SMC2: variants seen among roughly 807,000 people sequenced by gnomAD.
SMC2 encodes the protein structural maintenance of chromosomes 2.
A neutral mutation model predicts 142.6 loss-of-function variants in SMC2; 41 were observed. The ratio of observed to expected loss-of-function variants is 0.29; its 90% CI spans 0.22 to 0.37. The LOEUF (loss-of-function observed/expected upper bound fraction) is 0.37. Ranked by LOEUF, SMC2 falls within the 10% of genes least tolerant of loss-of-function variation. The pLI is 1.00. For synonymous variants in SMC2, 463 were observed against 457.5 expected (o/e 1.01, Z -0.15); for missense variants, 1,265 against 1,373.7 (o/e 0.92, Z 1.25).
chr9:104,132,844 T>G (rs1422109665), intron 22 of SMC2, among the ~76,000 whole-genome samples: 1 of 151,958 alleles, frequency 6.6e-6, no homozygotes, highest in East Asian at 1.9e-4. Flanking sequence ...TGAGAGGTTT[T>G]TTTTTTTTTC....
Position 104,129,752 on chromosome 9 carries a change from T to C in SMC2, c.2898T>C (p.Gly966=), listed in dbSNP as rs201300008. 3.7e-6 allele frequency: 6 copies of C among 1,613,946 alleles called. No homozygotes were observed. The highest frequency in any genetic ancestry group is 8.5e-7 in the Non-Finnish European group (1 of 1,179,912). The stretch of plus-strand genomic sequence containing the variant: ...AAACTAACAACCCTAAAGAAGCTGG[T>C]CAGAGACTTCAGAAGTTGCAAGAAA... The part of the protein sequence containing the change: ...DFKTNNPKEA[G]QRLQKLQEMK... The change falls in exon 21 of 25, where the codon GGT becomes GGC. Residue 966 remains glycine, a synonymous_variant. Transcript: ENST00000374793.
At chr9:104,111,858 G>T (rs965167879) in intron 10 of SMC2, 44 bp downstream of exon 10, 1 of 1,374,720 alleles carries the variant, frequency 7.3e-7, no homozygotes, top group South Asian at 1.3e-5. Context: ...TTTTTTCCAA[G>T]AAGTTTCTTT....
chr9:104,100,844 G>T (rs902068560), intron 7 of SMC2, among the ~76,000 whole-genome samples: 2 of 152,156 alleles, frequency 1.3e-5, no homozygotes, highest in African/African-American at 4.8e-5. Context: ...TAAGCAAAAG[G>T]TATTGAAACA....
chr9:104,123,637 G>GT (rs1833965070), intron 17 of SMC2, among the ~76,000 whole-genome samples: 1 of 151,966 alleles, frequency 6.6e-6, no homozygotes, highest in African/African-American at 2.4e-5. Flanking sequence ...TGAATTTTCT[G>GT]TTTATTTCTT....
chr9:104,111,122 T>A (rs1320041682), intron 9 of SMC2, among the ~76,000 whole-genome samples: 2 of 152,248 alleles, frequency 1.3e-5, no homozygotes, highest in African/African-American at 2.4e-5. Context: ...ACTTAAAAGG[T>A]GTTACATAAT....
intron 23 of SMC2, 29 bp downstream of exon 23, chr9:104,134,604 TTTC>T (rs762986212): frequency 4.2e-5 from 61 of 1,452,994 alleles, no homozygotes; most frequent in African/African-American, 5.9e-5. Flanking sequence ...ATATTATAAT[TTTC>T]ATTCCTCTTT....
At chr9:104,097,704 G>A (rs574805789) in intron 3 of SMC2, among the ~76,000 whole-genome samples, 1 of 151,960 alleles carries the variant, frequency 6.6e-6, no homozygotes, top group Non-Finnish European at 1.5e-5. Context: ...GTCAGAGAAG[G>A]GTCTTCAAAT....
chr9:104,106,520 A>G (rs1041812690), intron 9 of SMC2, among the ~76,000 whole-genome samples: 1 of 151,928 alleles, frequency 6.6e-6, no homozygotes, highest in Non-Finnish European at 1.5e-5. Flanking sequence ...CAGCCTCCCA[A>G]GTAGTTGGGA....
chr9:104,101,807 T>C (rs1351397926), intron 7 of SMC2, among the ~76,000 whole-genome samples, 153 bp from the exon 8 acceptor site: 2 of 152,248 alleles, frequency 1.3e-5, no homozygotes, highest in Non-Finnish European at 2.9e-5. Flanking sequence ...TGACTTCTGA[T>C]GTTACGTAAA....
Position 104,128,217 on chromosome 9 carries a change from A to G in SMC2, c.2790+737A>G, listed in dbSNP as rs557181889. Among the ~76,000 whole-genome samples, 15 of 152,294 alleles carry G rather than the reference A, an allele frequency of 9.8e-5. No homozygotes were observed. The East Asian group carries it at 2.9e-3, about 29-fold the overall frequency. ...GAACTTTAACTTCAGAAAGATCAAG[A>G]ACATACAAAACAATCTCCCTCTCTT... On this transcript the variant is annotated intron_variant, in intron 20 of 24. Coordinates refer to ENST00000374793, the MANE Select transcript of SMC2 (RefSeq NM_006444.3).
At chr9:104,137,544 G>C (rs571074323) in intron 23 of SMC2, among the ~76,000 whole-genome samples, 47 of 152,114 alleles carry the variant, frequency 3.1e-4, no homozygotes, top group African/African-American at 1.1e-3. Flanking sequence ...GATTGTGTGT[G>C]TGTCTGTCTG....
intron 9 of SMC2, among the ~76,000 whole-genome samples, chr9:104,108,468 A>G (rs890314027): frequency 2.0e-5 from 3 of 152,092 alleles, no homozygotes; most frequent in Non-Finnish European, 2.9e-5. Context: ...TCTGCATTGT[A>G]TGTGTTGGTT....
chr9:104,098,208 G>A (rs779326706), intron 3 of SMC2, among the ~76,000 whole-genome samples: 4 of 152,210 alleles, frequency 2.6e-5, no homozygotes, highest in African/African-American at 7.2e-5. Flanking sequence ...GCAGGCCAGG[G>A]TAAGAGGCTT....
rs752276825 is a variant in SMC2 at position 104,102,188 on chromosome 9, G to A, written c.865G>A (p.Asp289Asn). Residue 289 changes from aspartate (D) to asparagine (N), a missense_variant, in exon 8 of 25, where the codon GAT (aspartate) becomes AAT (asparagine). Transcript: ENST00000374793. ...AATAGAAGAATTGGAAAAAAGAAAA[G>A]ATAAGGTCTGAACATATGTATAAGA... ...HEIEELEKRK[D>N]KETGGILRSL... is the part of the protein sequence containing the mutation. 2.0e-6 allele frequency: 3 copies of A among 1,509,658 alleles called. No homozygotes were observed. The highest frequency in any genetic ancestry group is 2.7e-6 in the Non-Finnish European group (3 of 1,095,574). 93.5% of individuals were successfully genotyped at this position (1,509,658 alleles called of 1,614,324 possible). A position where few individuals can be genotyped will look rare whatever the true frequency, so the allele number is the denominator to read the frequency against.
intron 22 of SMC2, 115 bp from the exon 23 acceptor site, chr9:104,134,300 C>G: frequency 1.6e-6 from 1 of 640,832 alleles, no homozygotes; most frequent in Non-Finnish European, 2.5e-6. Context: ...TTTGTCAGCC[C>G]CTGAGTTAGA....
rs773757661 is a variant in SMC2 at position 104,099,694 on chromosome 9, A to G, written c.480+12A>G. 14 of 1,473,714 alleles carry G rather than the reference A, an allele frequency of 9.5e-6. No individual in the cohort carries two copies. Among genetic ancestry groups the G allele is most frequent in the South Asian group, 9.2e-5 (8 of 86,852 alleles). The allele number at this position is 1,473,714 out of a possible 1,614,324, so 91.3% of individuals were successfully genotyped here. On this transcript the variant is annotated intron_variant, in intron 5 of 24. Coordinates refer to ENST00000374793, the MANE Select transcript of SMC2 (RefSeq NM_006444.3). Reference sequence around the variant, plus strand: ...TGAAACCTCCAGAGGTAAGAGTACTATTTATGGACATTAAAAATAGTTGGT... The same window carrying G: ...TGAAACCTCCAGAGGTAAGAGTACTGTTTATGGACATTAAAAATAGTTGGT...
chr9:104,104,588 T>G (rs187259346), intron 9 of SMC2, among the ~76,000 whole-genome samples: 1 of 152,326 alleles, frequency 6.6e-6, no homozygotes, highest in Admixed American at 6.5e-5. Context: ...CCTCCCTTTC[T>G]TGGGATATTG....
At chr9:104,089,707 C>T (rs531805472), upstream of SMC2, among the ~76,000 whole-genome samples, 7 of 152,164 alleles carry the variant, frequency 4.6e-5, no homozygotes, top group East Asian at 9.6e-4. Flanking sequence ...TGCAGTGGCG[C>T]GATCTAGGCT....
chr9:104,109,383 G>T (rs1052835002), intron 9 of SMC2, among the ~76,000 whole-genome samples: 7 of 152,084 alleles, frequency 4.6e-5, no homozygotes, highest in African/African-American at 1.7e-4. Flanking sequence ...CTTTAAAAGC[G>T]TATTCAGAAT....
Sources: gnomAD v4.1 joint callset for allele counts (sites outside exome capture counted in the v4.1 genomes callset) on GRCh38, gnomAD v4.1.1 for gene constraint, MANE v1.5 for transcripts, NCBI Gene and HGNC (gene_info 2026-07-23, HGNC 2026-07-21) for gene names.